NR5A2: variants seen among roughly 807,000 people sequenced by gnomAD.
NR5A2 encodes nuclear receptor subfamily 5 group A member 2.
A neutral mutation model predicts 62.7 loss-of-function variants in NR5A2; 26 were observed. The ratio of observed to expected loss-of-function variants is 0.41; its 90% CI spans 0.30 to 0.58. The LOEUF is 0.58. Ranked by LOEUF, NR5A2 falls within the 20% of genes least tolerant of loss-of-function variation. The probability of loss-of-function intolerance (pLI) is 0.22; values close to 1 mark genes in which losing one functional copy is unlikely to be tolerated. For synonymous variants in NR5A2, 246 were observed against 241.7 expected (o/e 1.02, Z -0.16); for missense variants, 541 against 669.1 (o/e 0.81, Z 2.11).
At position 200,174,363 on chromosome 1, in the gene NR5A2, A is replaced by T. The variant is rs946893494; in HGVS notation, c.*153A>T. On this transcript the variant is annotated 3_prime_UTR_variant, in exon 8 of 8. Coordinates refer to ENST00000367362, the MANE Select transcript of NR5A2 (RefSeq NM_205860.3). The stretch of plus-strand genomic sequence containing the variant: ...AAAGATATTGAATTTAAAAAGGCAT[A>T]ATAATCAAATACTTAATAGCAAATA... The T allele has an allele frequency of 5.7e-6, 4 of 705,868 alleles. No individual in the cohort carries two copies. In the Admixed American group the frequency reaches 1.5e-4, roughly 26 times the overall value. The allele number at this position is 705,868 out of a possible 1,614,324, so 43.7% of individuals were successfully genotyped here. A position where few individuals can be genotyped will look rare whatever the true frequency, so the allele number is the denominator to read the frequency against.
intron 5 of NR5A2, among the ~76,000 whole-genome samples, chr1:200,081,827 T>C (rs554571400): frequency 8.6e-5 from 13 of 151,824 alleles, no homozygotes; most frequent in Non-Finnish European, 1.3e-4. Context: ...TGTTATTCTA[T>C]ACTGTTCATT....
At chr1:200,032,375 G>A (rs192121654) in intron 1 of NR5A2, among the ~76,000 whole-genome samples, 1 of 152,272 alleles carries the variant, frequency 6.6e-6, no homozygotes, top group Non-Finnish European at 1.5e-5. Flanking sequence ...TAGTCTTTTG[G>A]GAAGCTGTTA....
chr1:200,080,143 G>A (rs933906874), intron 5 of NR5A2, among the ~76,000 whole-genome samples: 2 of 152,168 alleles, frequency 1.3e-5, no homozygotes, highest in African/African-American at 4.8e-5. Flanking sequence ...TTTACACAGA[G>A]ATCCATGATT....
chr1:200,038,635 A>C (rs1661894581), intron 1 of NR5A2: 1 of 1,117,318 alleles, frequency 9.0e-7, no homozygotes, highest in Non-Finnish European at 1.3e-6. Flanking sequence ...TCATCTCCTC[A>C]TCCGACACAC....
chr1:200,029,882 C>A (rs1011203230), intron 1 of NR5A2, among the ~76,000 whole-genome samples: 2 of 152,168 alleles, frequency 1.3e-5, no homozygotes, highest in Admixed American at 1.3e-4. Context: ...GCTGTGGCAC[C>A]GGGAGACAAT....
intron 7 of NR5A2, among the ~76,000 whole-genome samples, chr1:200,137,776 T>G (rs1354139177): frequency 6.6e-6 from 1 of 152,168 alleles, no homozygotes; most frequent in Non-Finnish European, 1.5e-5. Context: ...AATTAGCAAT[T>G]TCTTCTAATT....
Position 200,039,579 on chromosome 1 carries a change from G to A in NR5A2, c.65-79G>A. On this transcript the variant is annotated intron_variant, in intron 1 of 7. Coordinates refer to ENST00000367362, the MANE Select transcript of NR5A2 (RefSeq NM_205860.3). This position sits in a 1 kb window ranked among gnomAD's most constrained non-coding sequence, Gnocchi z 5.1. ...AGGCGGAGGCACGCTCCGGCGAGGCGAGAGGGTTGGGTTAGCAGGCATCCC... is the reference window on the plus strand; with the variant it reads ...AGGCGGAGGCACGCTCCGGCGAGGCAAGAGGGTTGGGTTAGCAGGCATCCC... 6.3e-7 allele frequency: 1 copy of A among 1,586,816 alleles called. No individual in the cohort carries two copies. Among genetic ancestry groups the A allele is most frequent in the East Asian group, 2.4e-5 (1 of 42,244 alleles).
At chr1:200,065,681 C>T (rs980789406) in intron 5 of NR5A2, among the ~76,000 whole-genome samples, 2 of 152,076 alleles carry the variant, frequency 1.3e-5, no homozygotes, top group African/African-American at 4.8e-5. Context: ...AATTAAGTAT[C>T]CAGTATGTGT....
At position 200,051,979 on chromosome 1, in the gene NR5A2, A is replaced by G. The variant is rs187408769; in HGVS notation, c.1110+3161A>G. Among the ~76,000 whole-genome samples the G allele has an allele frequency of 2.0e-5, 3 of 152,316 alleles. No individual in the cohort carries two copies. The East Asian group carries it at 5.8e-4, about 29-fold the overall frequency. On this transcript the variant is annotated intron_variant, in intron 5 of 7. Transcript: ENST00000367362. Reference sequence around the variant, plus strand: ...ATACACACAACTAAACCAAAGTTTCACCAGATAGTACATAACCTACAAGCC... The same window carrying G: ...ATACACACAACTAAACCAAAGTTTCGCCAGATAGTACATAACCTACAAGCC...
At chr1:200,060,981 A>G (rs1185767997) in intron 5 of NR5A2, among the ~76,000 whole-genome samples, 1 of 149,742 alleles carries the variant, frequency 6.7e-6, no homozygotes, top group Non-Finnish European at 1.5e-5. Flanking sequence ...TTAGCCTGGC[A>G]TGGCAGCGGC....
chr1:200,031,542 C>CA (rs199839264), intron 1 of NR5A2, among the ~76,000 whole-genome samples: 2 of 138,576 alleles, frequency 1.4e-5, no homozygotes, highest in East Asian at 2.1e-4. Flanking sequence ...CAAAACAAAA[C>CA]AAAAAAAGGA....
intron 6 of NR5A2, among the ~76,000 whole-genome samples, chr1:200,113,612 A>G (rs1666064993): frequency 6.6e-6 from 1 of 152,204 alleles, no homozygotes; most frequent in African/African-American, 2.4e-5. Flanking sequence ...ACAAAGCTGA[A>G]TATGTTGGGC....
At chr1:200,097,433 T>TTTAC (rs1665152317) in intron 5 of NR5A2, among the ~76,000 whole-genome samples, 1 of 152,214 alleles carries the variant, frequency 6.6e-6, no homozygotes, top group Non-Finnish European at 1.5e-5. Context: ...ACAAAGAGTA[T>TTTAC]TTCTCCCATT....
intron 7 of NR5A2, among the ~76,000 whole-genome samples, chr1:200,139,291 A>G (rs1019030927): frequency 3.9e-5 from 6 of 152,270 alleles, no homozygotes; most frequent in Non-Finnish European, 7.4e-5. Context: ...TTTATCTTCA[A>G]CCTTCTGTGT....
chr1:200,084,963 T>C (rs570230441), intron 5 of NR5A2, among the ~76,000 whole-genome samples: 4 of 152,346 alleles, frequency 2.6e-5, no homozygotes, highest in South Asian at 2.1e-4. Flanking sequence ...GAGCCGTTTG[T>C]ACCGGATCTG....
chr1:200,074,778 A>T (rs1181949896), intron 5 of NR5A2, among the ~76,000 whole-genome samples: 1 of 124,968 alleles, frequency 8.0e-6, no homozygotes, highest in East Asian at 2.3e-4. Context: ...CACAAATCTC[A>T]AACACTTTAA....
At chr1:200,040,986 T>C (rs1662043273) in intron 2 of NR5A2, among the ~76,000 whole-genome samples, 1 of 152,150 alleles carries the variant, frequency 6.6e-6, no homozygotes. Context: ...GGCTGACCTG[T>C]GGGTCTGGCT....
intron 7 of NR5A2, among the ~76,000 whole-genome samples, chr1:200,146,504 T>C (rs1667700629): frequency 6.6e-6 from 1 of 152,212 alleles, no homozygotes; most frequent in Non-Finnish European, 1.5e-5. Context: ...CCTGGAATTC[T>C]TTATCTCTGT....
chr1:200,107,144 A>G (rs1665716222), intron 5 of NR5A2, among the ~76,000 whole-genome samples: 1 of 150,630 alleles, frequency 6.6e-6, no homozygotes, highest in South Asian at 2.1e-4. Flanking sequence ...TTGCTGAGGT[A>G]GTCACTGCCC....
Sources: gnomAD v4.1 joint callset for allele counts (sites outside exome capture counted in the v4.1 genomes callset) on GRCh38, gnomAD v4.1.1 for gene constraint, Gnocchi (gnomAD v3.1) non-coding constraint, MANE v1.5 for transcripts, NCBI Gene and HGNC (gene_info 2026-07-23, HGNC 2026-07-21) for gene names.